Variants in CAPN13 observed in about 807,000 individuals in gnomAD.
CAPN13 encodes the protein calpain-13.
CAPN13 carries 90 observed loss-of-function variants against 98.4 expected under a neutral mutation model. The ratio of observed to expected loss-of-function variants is 0.92; its 90% CI spans 0.77 to 1.09. The LOEUF is 1.09. CAPN13 is among the 50% of genes least tolerant of loss of function. The pLI, the probability that CAPN13 is intolerant of heterozygous loss-of-function variation, is 0.00. For missense variants in CAPN13, 887 were observed against 841.3 expected, an observed-to-expected ratio of 1.05 and a Z score of -0.67; for synonymous variants, 330 against 305.5, an observed-to-expected ratio of 1.08 and a Z score of -0.84.
chr2:30,731,820 G>A (rs895721428), intron 20 of CAPN13, among the ~76,000 whole-genome samples: 5 of 152,216 alleles, frequency 3.3e-5, no homozygotes, highest in African/African-American at 1.2e-4. Context: ...GAGCCTTAGT[G>A]TCTCAATCTT....
intron 2 of CAPN13, among the ~76,000 whole-genome samples, chr2:30,782,616 A>G (rs967728733): frequency 6.6e-6 from 1 of 152,174 alleles, no homozygotes; most frequent in South Asian, 2.1e-4. Flanking sequence ...TGTGGAAGGA[A>G]GATGTCACTG....
At chr2:30,802,006 A>T (rs1276791262) in intron 1 of CAPN13, among the ~76,000 whole-genome samples, 2 of 152,202 alleles carry the variant, frequency 1.3e-5, no homozygotes, top group East Asian at 3.8e-4. Context: ...GCGTCTAGCC[A>T]CAACACAGCG....
At chr2:30,725,157 A>C (rs1670815074) in intron 22 of CAPN13, among the ~76,000 whole-genome samples, 1 of 152,216 alleles carries the variant, frequency 6.6e-6, no homozygotes, top group Admixed American at 6.5e-5. Context: ...CTAGACTCTG[A>C]AATCAATTAA....
At chr2:30,746,254 C>A (rs1671905938) in intron 11 of CAPN13, among the ~76,000 whole-genome samples, 1 of 152,100 alleles carries the variant, frequency 6.6e-6, no homozygotes, top group Non-Finnish European at 1.5e-5. Flanking sequence ...GAAGTAAAGA[C>A]AAAAGAAATT....
intron 22 of CAPN13, among the ~76,000 whole-genome samples, chr2:30,726,313 C>T (rs1212432671): frequency 1.3e-5 from 2 of 152,164 alleles, no homozygotes; most frequent in Non-Finnish European, 2.9e-5. Context: ...TGGGTGTTTT[C>T]CCCCAAGATC....
intron 7 of CAPN13, among the ~76,000 whole-genome samples, chr2:30,759,193 C>T (rs1672690042): frequency 6.7e-6 from 1 of 149,892 alleles, no homozygotes; most frequent in Non-Finnish European, 1.5e-5. Context: ...TTCCATCCCT[C>T]CCTTCCTTCT....
intron 1 of CAPN13, among the ~76,000 whole-genome samples, chr2:30,803,288 C>T (rs1458369158): frequency 2.6e-5 from 4 of 152,228 alleles, no homozygotes; most frequent in African/African-American, 9.6e-5. Context: ...TAGTGGGCCA[C>T]TGGGTGCATC....
rs538393785 is a variant in CAPN13, at chr2:30,736,332, C to T, written c.1722+171G>A. Among the ~76,000 whole-genome samples the T allele has an allele frequency of 2.0e-5, 3 of 152,288 alleles. No homozygotes were observed. The South Asian group carries it at 6.2e-4, about 32-fold the overall frequency. Reference sequence around the variant, plus strand: ...CACCTAATTAGGCATTGCCTTGTGCCTTTTGGAGTTGCACTATGTCTCCCC... The same window carrying T: ...CACCTAATTAGGCATTGCCTTGTGCTTTTTGGAGTTGCACTATGTCTCCCC... On this transcript the variant is annotated intron_variant, in intron 18 of 22. Transcript: ENST00000295055.
At chr2:30,801,604 T>TAAAAAAAA (rs10609363) in intron 1 of CAPN13, among the ~76,000 whole-genome samples, 1 of 80,016 alleles carries the variant, frequency 1.2e-5, no homozygotes, top group African/African-American at 4.3e-5. Context: ...GACTCAGTCT[T>TAAAAAAAA]AAAAAAAAAA....
intron 1 of CAPN13, among the ~76,000 whole-genome samples, chr2:30,795,281 C>A (rs559294908): frequency 1.3e-5 from 2 of 152,016 alleles, no homozygotes; most frequent in Non-Finnish European, 2.9e-5. Flanking sequence ...GTTTATATTA[C>A]AAGGAGTAGA....
At chr2:30,772,608 C>T (rs955634762) in intron 4 of CAPN13, among the ~76,000 whole-genome samples, 3 of 152,180 alleles carry the variant, frequency 2.0e-5, no homozygotes, top group African/African-American at 7.2e-5. Context: ...GCAGCACTAG[C>T]ATCACCTGCC....
In CAPN13 at chr2:30,763,075, G is replaced by A; in HGVS notation, c.774+7C>T. 4.4e-6 allele frequency: 7 copies of A among 1,604,794 alleles called. No homozygotes were observed. Among genetic ancestry groups the A allele is most frequent in the Non-Finnish European group, 6.0e-6 (7 of 1,175,430 alleles). The stretch of plus-strand genomic sequence containing the variant: ...GGAGAGCTGGACAGGCCAGCAGCCA[G>A]CCTTACCTGCTCAGCCCCAGTCACA... On this transcript the variant is annotated splice_region_variant and intron_variant, in intron 7 of 22. Transcript: ENST00000295055.
chr2:30,784,597 T>G (rs1572868075), intron 2 of CAPN13, among the ~76,000 whole-genome samples: 1 of 152,184 alleles, frequency 6.6e-6, no homozygotes, highest in Non-Finnish European at 1.5e-5. Flanking sequence ...ATTCTACTAG[T>G]GCAAAAAACA....
intron 11 of CAPN13, among the ~76,000 whole-genome samples, chr2:30,748,056 C>A (rs1422446394): frequency 6.6e-6 from 1 of 152,222 alleles, no homozygotes; most frequent in East Asian, 1.9e-4. Flanking sequence ...CATGGTCACC[C>A]ATGTGAACAG....
intron 15 of CAPN13, among the ~76,000 whole-genome samples, chr2:30,739,222 G>A (rs1671532600): frequency 6.6e-6 from 1 of 152,134 alleles, no homozygotes; most frequent in Non-Finnish European, 1.5e-5. Context: ...GTCCAGCCTG[G>A]GAAGGGAAGA....
intron 2 of CAPN13, among the ~76,000 whole-genome samples, chr2:30,784,812 A>G (rs1241147843): frequency 6.6e-6 from 1 of 152,198 alleles, no homozygotes; most frequent in Non-Finnish European, 1.5e-5. Context: ...AATGAGGCTC[A>G]CAACAGTACC....
intron 15 of CAPN13, chr2:30,741,667 C>A (rs1377554369): frequency 7.3e-7 from 1 of 1,361,210 alleles, no homozygotes; most frequent in Non-Finnish European, 9.5e-7. Flanking sequence ...TTATCCCCTC[C>A]CTTTCTAAGC....
intron 10 of CAPN13, 87 bp from the exon 11 acceptor site, chr2:30,751,338 G>C: frequency 2.1e-6 from 3 of 1,461,704 alleles, no homozygotes; most frequent in South Asian, 2.6e-5. Context: ...AGTTCTGTGG[G>C]GTTGTGTTGT....
intron 11 of CAPN13, among the ~76,000 whole-genome samples, chr2:30,748,559 G>A (rs1295290414): frequency 2.0e-5 from 3 of 152,202 alleles, no homozygotes; most frequent in African/African-American, 7.2e-5. Flanking sequence ...GTGTGTGAGG[G>A]GTGAGGGGGA....
Sources: allele counts gnomAD v4.1 joint callset (sites outside exome capture counted in the v4.1 genomes callset), GRCh38; gene constraint gnomAD v4.1.1; transcripts MANE v1.5; gene names NCBI Gene and HGNC (gene_info 2026-07-23, HGNC 2026-07-21).